Variants in DPY19L1 observed in about 807,000 individuals in gnomAD.
DPY19L1 encodes the protein protein C-mannosyl-transferase DPY19L1.
In DPY19L1, 35 loss-of-function variants were observed where a neutral mutation model predicts 96.9. The observed-to-expected ratio is 0.36, with a 90% CI of 0.28 to 0.48. The LOEUF (loss-of-function observed/expected upper bound fraction) is 0.48, where lower values mean the gene tolerates loss of function less well. Ranked by LOEUF, DPY19L1 falls within the 20% of genes least tolerant of loss-of-function variation. DPY19L1 has a pLI of 0.99. For missense variants in DPY19L1, 521 were observed against 777.9 expected (o/e 0.67, Z 3.93); for synonymous variants, 205 against 252.6 (o/e 0.81, Z 1.79).
chr7:35,037,621 G>A, upstream of DPY19L1: 1 of 221,366 alleles, frequency 4.5e-6, no homozygotes. Flanking sequence ...TTGCTAGCCC[G>A]CCGCCGTTGC....
intron 7 of DPY19L1, among the ~76,000 whole-genome samples, chr7:34,985,213 A>G (rs1274595793): frequency 1.3e-5 from 2 of 152,156 alleles, no homozygotes; most frequent in African/African-American, 4.8e-5. Context: ...CTAATGGGGA[A>G]TCAGGAAACT....
chr7:35,037,827 G>T, upstream of DPY19L1: 3 of 1,229,564 alleles, frequency 2.4e-6, no homozygotes, highest in Non-Finnish European at 3.0e-6. Flanking sequence ...CCTCTTCGGC[G>T]CCCGCGCGGG....
At chr7:35,028,445 T>C (rs73110557) in intron 1 of DPY19L1, among the ~76,000 whole-genome samples, 41,422 of 152,182 alleles carry the variant, frequency 0.27, 5,771 homozygotes, top group Non-Finnish European at 0.31. Flanking sequence ...ATTTTAAATA[T>C]GTATATATGT....
intron 9 of DPY19L1, among the ~76,000 whole-genome samples, chr7:34,967,370 A>G (rs1475890995): frequency 6.6e-6 from 1 of 152,192 alleles, no homozygotes; most frequent in Non-Finnish European, 1.5e-5. Flanking sequence ...TAATTATGCA[A>G]TGCATGTGTG....
In DPY19L1 at chr7:34,931,748, A is replaced by G. The variant is rs1173434657; in HGVS notation, c.2091-19T>C. 6 of 1,574,636 alleles carry G rather than the reference A, an allele frequency of 3.8e-6. No individual in the cohort carries two copies. The highest frequency in any genetic ancestry group is 5.2e-6 in the Non-Finnish European group (6 of 1,163,890). Reference sequence around the variant, plus strand: ...ACCAGGCCTAGAAAAATGAATGTACATGTTAAAAATCAATATGCATTATAT... The same window carrying G: ...ACCAGGCCTAGAAAAATGAATGTACGTGTTAAAAATCAATATGCATTATAT... On this transcript the variant is annotated intron_variant, in intron 21 of 21. Transcript: ENST00000638088.
At chr7:34,936,272 A>G (rs1025112784) in intron 21 of DPY19L1, among the ~76,000 whole-genome samples, 5 of 151,664 alleles carry the variant, frequency 3.3e-5, no homozygotes, top group Non-Finnish European at 1.5e-5. Flanking sequence ...CTACCCAAAC[A>G]TGAGACTGTT....
chr7:35,017,798 C>T (rs1164077562), intron 3 of DPY19L1, 84 bp downstream of exon 3: 21 of 1,091,146 alleles, frequency 1.9e-5, no homozygotes, highest in Non-Finnish European at 2.4e-5. Context: ...TACTTTGGAA[C>T]ATCTTGAAAT....
intron 4 of DPY19L1, among the ~76,000 whole-genome samples, chr7:35,011,663 T>C (rs1785715080): frequency 1.3e-5 from 2 of 151,982 alleles, no homozygotes; most frequent in South Asian, 4.1e-4. Context: ...AAGGACAAAA[T>C]ATGGGCCAAA....
intron 15 of DPY19L1, among the ~76,000 whole-genome samples, chr7:34,946,949 A>G (rs2128783419): frequency 6.6e-6 from 1 of 152,392 alleles, no homozygotes; most frequent in South Asian, 2.1e-4. Flanking sequence ...TTCTACAAAT[A>G]AATGACATTG....
At chr7:35,015,935 T>G (rs961705077) in intron 3 of DPY19L1, among the ~76,000 whole-genome samples, 2 of 152,212 alleles carry the variant, frequency 1.3e-5, no homozygotes, top group African/African-American at 4.8e-5. Flanking sequence ...CCTTTGGTAC[T>G]TTTATTCCTA....
At chr7:35,017,253 G>C (rs1785872805) in intron 3 of DPY19L1, among the ~76,000 whole-genome samples, 1 of 151,698 alleles carries the variant, frequency 6.6e-6, no homozygotes, top group Non-Finnish European at 1.5e-5. Context: ...CAGCACTTTG[G>C]GAGGCCGAGG....
intron 13 of DPY19L1, among the ~76,000 whole-genome samples, chr7:34,953,565 C>T (rs750469238): frequency 2.0e-5 from 3 of 152,096 alleles, no homozygotes; most frequent in Admixed American, 6.6e-5. Flanking sequence ...GCACTCTGTA[C>T]GTCATTTTTT....
At chr7:34,958,433 T>C (rs778637596) in intron 10 of DPY19L1, among the ~76,000 whole-genome samples, 1 of 152,230 alleles carries the variant, frequency 6.6e-6, no homozygotes, top group African/African-American at 2.4e-5. Context: ...GTAAAAGTAT[T>C]CTATTCTATA....
At chr7:34,970,968 A>C (rs1207356724) in intron 8 of DPY19L1, among the ~76,000 whole-genome samples, 2 of 152,220 alleles carry the variant, frequency 1.3e-5, no homozygotes, top group Non-Finnish European at 2.9e-5. Context: ...CAATTTGTTA[A>C]AACATACCAC....
intron 1 of DPY19L1, among the ~76,000 whole-genome samples, chr7:35,029,422 A>C (rs1454808599): frequency 1.3e-5 from 2 of 152,174 alleles, no homozygotes; most frequent in Non-Finnish European, 2.9e-5. Context: ...GTAAAAAGAG[A>C]ACCACACACA....
At chr7:35,007,694 G>A (rs1355461634) in intron 6 of DPY19L1, among the ~76,000 whole-genome samples, 2 of 151,492 alleles carry the variant, frequency 1.3e-5, no homozygotes, top group East Asian at 3.9e-4. Context: ...TTACTTTGCA[G>A]CATTTTTTTT....
intron 6 of DPY19L1, among the ~76,000 whole-genome samples, chr7:35,004,139 A>T (rs1584249910): frequency 6.6e-6 from 1 of 152,300 alleles, no homozygotes. Context: ...ACAGTAAATG[A>T]TTAAAGGCTT....
intron 13 of DPY19L1, among the ~76,000 whole-genome samples, chr7:34,953,085 G>T (rs1232302500): frequency 6.6e-6 from 1 of 152,062 alleles, no homozygotes; most frequent in Non-Finnish European, 1.5e-5. Flanking sequence ...ACCTGATTTG[G>T]GGCGGACAGC....
At chr7:34,963,990 A>G (rs2128666304) in intron 10 of DPY19L1, among the ~76,000 whole-genome samples, 1 of 152,290 alleles carries the variant, frequency 6.6e-6, no homozygotes, top group South Asian at 2.1e-4. Flanking sequence ...AAGATGAAAA[A>G]TGTTCTGGAA....
Sources: allele counts gnomAD v4.1 joint callset (sites outside exome capture counted in the v4.1 genomes callset), GRCh38; gene constraint gnomAD v4.1.1; transcripts MANE v1.5; gene names NCBI Gene and HGNC (gene_info 2026-07-23, HGNC 2026-07-21).